The following PIGK variants were observed in gnomAD, a reference collection of about 807,000 sequenced individuals.
The protein encoded by PIGK is phosphatidylinositol glycan anchor biosynthesis class K, also known as GPI-anchor transamidase.
PIGK carries 42 observed loss-of-function variants against 50.6 expected under a neutral mutation model. The ratio of observed to expected loss-of-function variants is 0.83; its 90% CI spans 0.65 to 1.07. The LOEUF (loss-of-function observed/expected upper bound fraction) is 1.07. Ranked by LOEUF, PIGK falls within the 50% of genes least tolerant of loss-of-function variation. PIGK has a pLI of 0.00. For missense variants in PIGK, 448 were observed against 488.7 expected, an observed-to-expected ratio of 0.92 and a Z score of 0.78; for synonymous variants, 151 against 156.0, an observed-to-expected ratio of 0.97 and a Z score of 0.24.
intron 10 of PIGK, 144 bp downstream of exon 10, chr1:77,122,131 T>G (rs1654111416): frequency 1.9e-6 from 1 of 519,928 alleles, no homozygotes; most frequent in Admixed American, 3.5e-5. Flanking sequence ...CTTTCAACTG[T>G]AATAGGGGTA....
chr1:77,210,436 C>T lies in PIGK; in HGVS notation c.147G>A (p.Leu49=). 1 of 1,583,566 alleles carries T rather than the reference C, an allele frequency of 6.3e-7. No homozygotes were observed. The highest frequency in any genetic ancestry group is 8.6e-7 in the Non-Finnish European group (1 of 1,159,210). ...AGGTATACTTTTACAGTATACTTAC[C>T]AGAACAGCCCAGTTGTTTGTATGGC... The part of the protein sequence containing the change: ...RSGHTNNWAV[L]VCTSRFWFNY... Residue 49 remains leucine (L), a splice_region_variant and synonymous_variant, in exon 2 of 11, where the codon CTG becomes CTA. Transcript: ENST00000370812.
chr1:77,116,591 TGTGTGCGC>T (rs1255697283), intron 10 of PIGK, among the ~76,000 whole-genome samples: 1 of 66,484 alleles, frequency 1.5e-5, no homozygotes, highest in South Asian at 6.2e-4. Context: ...TGTGTGTGTG[TGTGTGCGC>T]GTGTGTGTGT....
intron 9 of PIGK, among the ~76,000 whole-genome samples, chr1:77,150,915 C>T (rs2100549131): frequency 6.6e-6 from 1 of 152,186 alleles, no homozygotes; most frequent in African/African-American, 2.4e-5. Flanking sequence ...TTCTGCCAAA[C>T]ATTTAAAGAA....
intron 9 of PIGK, among the ~76,000 whole-genome samples, chr1:77,145,068 T>A (rs1006200964): frequency 8.6e-5 from 13 of 152,006 alleles, no homozygotes; most frequent in African/African-American, 3.1e-4. Context: ...TAAAGTTTTA[T>A]AATTGTATCA....
intron 3 of PIGK, among the ~76,000 whole-genome samples, chr1:77,178,295 C>G (rs1359605169): frequency 2.0e-5 from 3 of 152,140 alleles, no homozygotes; most frequent in African/African-American, 7.2e-5. Flanking sequence ...TGCCAGGAGG[C>G]CTTCATACTT....
intron 9 of PIGK, among the ~76,000 whole-genome samples, chr1:77,152,076 C>A (rs190320394): frequency 6.6e-6 from 1 of 151,910 alleles, no homozygotes; most frequent in Non-Finnish European, 1.5e-5. Context: ...CAAAGCTGGA[C>A]GCATCATACT....
intron 10 of PIGK, among the ~76,000 whole-genome samples, chr1:77,116,599 C>CGT (rs751803515): frequency 8.5e-4 from 81 of 95,596 alleles, no homozygotes; most frequent in Middle Eastern, 5.4e-3. Flanking sequence ...TGTGTGTGCG[C>CGT]GTGTGTGTGT....
At chr1:77,175,264 C>T (rs72683926) in intron 3 of PIGK, among the ~76,000 whole-genome samples, 5,645 of 152,186 alleles carry the variant, frequency 0.037, 202 homozygotes, top group South Asian at 0.21. Context: ...GAATCAGCCA[C>T]GTCCTCTAGC....
chr1:77,189,734 TATATATATATATATACACACACACACAC>T (rs1432892962), intron 3 of PIGK, among the ~76,000 whole-genome samples: 2 of 32,322 alleles, frequency 6.2e-5, no homozygotes, highest in South Asian at 1.8e-3. Context: ...TATATATATA[TATATATATATATATACACACACACACAC>T]ACACACACAC....
intron 3 of PIGK, among the ~76,000 whole-genome samples, chr1:77,206,085 GGC>G (rs1656279865): frequency 6.6e-6 from 1 of 152,030 alleles, no homozygotes; most frequent in Non-Finnish European, 1.5e-5. Context: ...GGCAGCAGGA[GGC>G]AATAGCAACA....
Position 77,104,024 on chromosome 1 carries a change from T to TAA in PIGK, c.1072-11536_1072-11535dup, listed in dbSNP as rs11450309. On this transcript the variant is annotated intron_variant, in intron 10 of 10. Coordinates refer to ENST00000370812, the MANE Select transcript of PIGK (RefSeq NM_005482.3). ...CTAAATCAGGATAGTGGGGCTATCT[T>TAA]AAAAAAAAAAAAAAAGACTACTCTG... is the stretch of plus-strand genomic sequence containing the variant. 2.4e-3 allele frequency among the ~76,000 whole-genome samples: 332 copies of TAA among 138,132 alleles called. 2 individuals carry two copies. The highest frequency in any genetic ancestry group is 4.2e-3 in the African/African-American group (158 of 37,212). The allele number at this position is 138,132 out of a possible 152,430, so 90.6% of individuals were successfully genotyped here.
intron 9 of PIGK, among the ~76,000 whole-genome samples, chr1:77,127,351 AAGAGT>A (rs745960750): frequency 6.6e-6 from 1 of 152,212 alleles, no homozygotes; most frequent in Non-Finnish European, 1.5e-5. Flanking sequence ...CTAACTCAGA[AAGAGT>A]AAAGTTTATA....
intron 9 of PIGK, among the ~76,000 whole-genome samples, chr1:77,150,280 G>T (rs1654865991): frequency 6.6e-6 from 1 of 152,034 alleles, no homozygotes; most frequent in African/African-American, 2.4e-5. Context: ...CACTTTGGGA[G>T]GCCAAGGTGG....
At chr1:77,181,133 A>G (rs1655604852) in intron 3 of PIGK, among the ~76,000 whole-genome samples, 2 of 152,154 alleles carry the variant, frequency 1.3e-5, no homozygotes, top group Non-Finnish European at 2.9e-5. Context: ...AGGAAGCCCA[A>G]TCTGATAAAC....
intron 10 of PIGK, among the ~76,000 whole-genome samples, chr1:77,121,157 T>C (rs1654087005): frequency 1.3e-5 from 2 of 152,292 alleles, no homozygotes; most frequent in South Asian, 4.1e-4. Context: ...TAAGAACATA[T>C]TGACTTGCTG....
intron 3 of PIGK, among the ~76,000 whole-genome samples, chr1:77,174,624 T>A (rs905447080): frequency 6.6e-6 from 1 of 152,180 alleles, no homozygotes; most frequent in African/African-American, 2.4e-5. Context: ...AGAGAAAGCA[T>A]GCTCTTGGCC....
intron 10 of PIGK, among the ~76,000 whole-genome samples, chr1:77,099,039 A>G (rs1653485145): frequency 6.6e-6 from 1 of 152,144 alleles, no homozygotes; most frequent in African/African-American, 2.4e-5. Context: ...TAGGATCTAT[A>G]TTAAGGAATT....
Position 77,122,342 on chromosome 1 carries a change from A to G in PIGK, c.1004T>C (p.Met335Thr). The change falls in exon 10 of 11, where the codon ATG becomes ACG. Residue 335 changes from methionine (M) to threonine (T), a missense_variant. Coordinates refer to ENST00000370812, the MANE Select transcript of PIGK (RefSeq NM_005482.3). ...CAGAGGTTCCATTAGTTTCTCATCC[A>G]TCTGGTCTTCCTTATAGCTGGAAAA... is the stretch of plus-strand genomic sequence containing the variant. Reference protein sequence around the residue: ...IMESSYKEDQMDEKLMEPLKY... With the variant: ...IMESSYKEDQTDEKLMEPLKY... 3 of 1,600,206 alleles carry G rather than the reference A, an allele frequency of 1.9e-6. No homozygotes were observed. Among genetic ancestry groups the G allele is most frequent in the East Asian group, 2.2e-5 (1 of 44,670 alleles).
In PIGK at chr1:77,210,511, G is replaced by A. The variant is rs745695174; in HGVS notation, c.94-22C>T. 1.9e-5 allele frequency: 29 copies of A among 1,513,266 alleles called. No homozygotes were observed. In the South Asian group the frequency reaches 1.9e-4, roughly 10 times the overall value. 93.7% of individuals were successfully genotyped at this position (1,513,266 alleles called of 1,614,324 possible). A position where few individuals can be genotyped will look rare whatever the true frequency, so the allele number is the denominator to read the frequency against. The stretch of plus-strand genomic sequence containing the variant: ...GATCCTAAATAAAGCAAAACAAATA[G>A]AAGAAAAAGGCACAATTTCTCAGAA... On this transcript the variant is annotated intron_variant, in intron 1 of 10. Transcript: ENST00000370812.
Sources: allele counts gnomAD v4.1 joint callset (sites outside exome capture counted in the v4.1 genomes callset), GRCh38; gene constraint gnomAD v4.1.1; transcripts MANE v1.5; gene names NCBI Gene and HGNC (gene_info 2026-07-23, HGNC 2026-07-21).